Variants in PIP5K1A observed in about 807,000 individuals in gnomAD.
PIP5K1A encodes phosphatidylinositol-4-phosphate 5-kinase type 1 alpha.
In PIP5K1A, 46 loss-of-function variants were observed where a neutral mutation model predicts 72.9. That is an observed-to-expected ratio of 0.63 (90% CI 0.50 to 0.81). The LOEUF (loss-of-function observed/expected upper bound fraction) is 0.81, where lower values mean the gene tolerates loss of function less well. Ranked by LOEUF, PIP5K1A falls within the 30% of genes least tolerant of loss-of-function variation. The probability of loss-of-function intolerance (pLI) is 0.00; values close to 1 mark genes in which losing one functional copy is unlikely to be tolerated. For missense variants in PIP5K1A, 458 were observed against 706.1 expected (o/e 0.65, Z 3.98); for synonymous variants, 228 against 255.1 (o/e 0.89, Z 1.01).
intron 3 of PIP5K1A, among the ~76,000 whole-genome samples, chr1:151,227,099 G>T (rs901042541): frequency 6.6e-6 from 1 of 152,180 alleles, no homozygotes; most frequent in African/African-American, 2.4e-5. Context: ...GGGAAAATAT[G>T]TGTCCCTTGG....
At chr1:151,245,537 G>C (rs1692372892) in intron 14 of PIP5K1A, among the ~76,000 whole-genome samples, 1 of 152,164 alleles carries the variant, frequency 6.6e-6, no homozygotes, top group Middle Eastern at 3.4e-3. Flanking sequence ...CACGATCTTG[G>C]TTCACTGCAG....
upstream of PIP5K1A, among the ~76,000 whole-genome samples, chr1:151,196,206 G>A (rs1024742243): frequency 7.9e-5 from 12 of 152,104 alleles, no homozygotes; most frequent in South Asian, 6.2e-4. Flanking sequence ...TACACTATCC[G>A]ATTTCTAAAG....
At chr1:151,196,626 C>T (rs1437115350), upstream of PIP5K1A, among the ~76,000 whole-genome samples, 1 of 143,014 alleles carries the variant, frequency 7.0e-6, no homozygotes, top group African/African-American at 2.6e-5. Context: ...GCCATCTCGG[C>T]TCACCGAAAC....
rs36040796 is a variant in PIP5K1A, at chr1:151,200,812, GTATTTATTTATT to G, written c.85+1753_85+1764del. Among the ~76,000 whole-genome samples, 19 of 149,440 alleles carry G rather than the reference GTATTTATTTATT, an allele frequency of 1.3e-4. 2 individuals carry two copies. In the South Asian group the frequency reaches 3.6e-3, roughly 28 times the overall value. ...AATAGGATAAAGTAAAAGTGACAGG[GTATTTATTTATT>G]TATTTATTTATTTATTTATTTTTGA... is the stretch of plus-strand genomic sequence containing the variant. On this transcript the variant is annotated intron_variant, in intron 1 of 15. Transcript: ENST00000368888.
chr1:151,199,647 AAGAGAAACGGAAGGGAGTAG>A (rs1338544631), intron 1 of PIP5K1A, among the ~76,000 whole-genome samples: 65 of 152,058 alleles, frequency 4.3e-4, no homozygotes, highest in African/African-American at 1.5e-3. Flanking sequence ...GGTAGGAAAC[AAGAGAAACGGAAGGGAGTAG>A]AGAAACTAAG....
chr1:151,223,696 A>T (rs587720945), intron 1 of PIP5K1A, among the ~76,000 whole-genome samples: 187 of 149,680 alleles, frequency 1.2e-3, no homozygotes, highest in African/African-American at 4.3e-3. Flanking sequence ...AATAAAAATT[A>T]AAAAAAAAGG....
At chr1:151,232,769 T>C in intron 7 of PIP5K1A, 66 bp downstream of exon 7, 2 of 1,402,520 alleles carry the variant, frequency 1.4e-6, no homozygotes, top group Non-Finnish European at 2.0e-6. Flanking sequence ...GGAGGCTGTC[T>C]TCAGCAGGGT....
chr1:151,234,072 T>G, intron 7 of PIP5K1A, 125 bp from the exon 8 acceptor site: 1 of 700,246 alleles, frequency 1.4e-6, no homozygotes, highest in Non-Finnish European at 2.5e-6. Context: ...TGTAGGTTTA[T>G]GGACACATTG....
At chr1:151,198,314 C>T (rs1207011619), upstream of PIP5K1A, among the ~76,000 whole-genome samples, 5 of 151,978 alleles carry the variant, frequency 3.3e-5, no homozygotes, top group African/African-American at 9.7e-5. Flanking sequence ...CGACTCTTGT[C>T]CCGAGTTCAG....
intron 1 of PIP5K1A, among the ~76,000 whole-genome samples, chr1:151,217,613 G>A (rs964180725): frequency 5.3e-5 from 8 of 152,178 alleles, no homozygotes; most frequent in Admixed American, 2.6e-4. Context: ...ACAGGGTCTT[G>A]TTCTGTCACC....
At chr1:151,195,426 C>A (rs776114353), upstream of PIP5K1A, 1 of 152,060 alleles carries the variant, frequency 6.6e-6, no homozygotes. Context: ...CACACCCTGC[C>A]ACGTCACCAC....
chr1:151,247,582 T>C (rs1214732876), intron 15 of PIP5K1A, among the ~76,000 whole-genome samples: 1 of 151,958 alleles, frequency 6.6e-6, no homozygotes, highest in East Asian at 1.9e-4. Flanking sequence ...CCCACCACCA[T>C]GCCCGGCTAA....
At chr1:151,207,464 T>G (rs1316338645) in intron 1 of PIP5K1A, among the ~76,000 whole-genome samples, 1 of 152,066 alleles carries the variant, frequency 6.6e-6, no homozygotes, top group Non-Finnish European at 1.5e-5. Context: ...TTAATTTAAC[T>G]CCCTCATTTT....
intron 1 of PIP5K1A, among the ~76,000 whole-genome samples, chr1:151,210,592 A>G (rs1319242595): frequency 1.3e-5 from 2 of 151,708 alleles, no homozygotes; most frequent in African/African-American, 4.8e-5. Flanking sequence ...TGACATACAT[A>G]TATATTTTTT....
intron 1 of PIP5K1A, among the ~76,000 whole-genome samples, chr1:151,202,661 G>T (rs1685366223): frequency 1.3e-5 from 2 of 151,660 alleles, no homozygotes; most frequent in South Asian, 4.2e-4. Flanking sequence ...TAGAGACAGG[G>T]TTTCACCATG....
At chr1:151,228,443 T>A (rs887924366) in intron 4 of PIP5K1A, among the ~76,000 whole-genome samples, 2 of 152,164 alleles carry the variant, frequency 1.3e-5, no homozygotes, top group East Asian at 3.9e-4. Flanking sequence ...ATTGACCGTG[T>A]CTCACCCCCT....
Position 151,198,835 on chromosome 1 carries a change from C to A in PIP5K1A, c.-162C>A. 1.4e-6 allele frequency: 1 copy of A among 707,608 alleles called. No homozygotes were observed. The highest frequency in any genetic ancestry group is 2.5e-6 in the Non-Finnish European group (1 of 402,352). The allele number at this position is 707,608 out of a possible 1,614,324, so 43.8% of individuals were successfully genotyped here. A position where few individuals can be genotyped will look rare whatever the true frequency, so the allele number is the denominator to read the frequency against. On this transcript the variant is annotated 5_prime_UTR_variant, in exon 1 of 16. Coordinates refer to ENST00000368888, the MANE Select transcript of PIP5K1A (RefSeq NM_001135638.2). ...CGAATGGTGTGGCCTTGAGCTGGTC[C>A]AGGAGCCGGCTCGACGTGTCTGAGG...
chr1:151,244,801 G>GGGATGAC (rs1692260958), intron 14 of PIP5K1A, among the ~76,000 whole-genome samples: 1 of 152,182 alleles, frequency 6.6e-6, no homozygotes, highest in South Asian at 2.1e-4. Context: ...CAGATATTGA[G>GGGATGAC]GGATGACTAT....
chr1:151,232,905 C>T (rs1004937320), intron 7 of PIP5K1A, among the ~76,000 whole-genome samples: 1 of 152,038 alleles, frequency 6.6e-6, no homozygotes, highest in African/African-American at 2.4e-5. Flanking sequence ...TCAAGACCAT[C>T]CTGGCCAACA....
Sources: allele counts gnomAD v4.1 joint callset (sites outside exome capture counted in the v4.1 genomes callset), GRCh38; gene constraint gnomAD v4.1.1; transcripts MANE v1.5; gene names NCBI Gene and HGNC (gene_info 2026-07-23, HGNC 2026-07-21).